The following ISM1 variants were observed in gnomAD, a reference collection of about 807,000 sequenced individuals.
ISM1 encodes isthmin 1.
In ISM1, 25 loss-of-function variants were observed where a neutral mutation model predicts 46.3. The observed-to-expected ratio is 0.54, with a 90% CI of 0.39 to 0.75. The LOEUF is 0.75. Among genes scored for constraint, ISM1 ranks in the 30% least tolerant of loss-of-function variants. The probability of loss-of-function intolerance (pLI) is 0.00; values close to 1 mark genes in which losing one functional copy is unlikely to be tolerated. For missense variants in ISM1, 536 were observed against 625.4 expected (o/e 0.86, Z 1.52); for synonymous variants, 255 against 256.7 (o/e 0.99, Z 0.06).
chr20:13,311,216 T>TGATAGATAGATAGACAGATA, the ISM1 span, among the ~76,000 whole-genome samples: 2 of 133,298 alleles, frequency 1.5e-5, no homozygotes, highest in Admixed American at 1.5e-4. Flanking sequence ...TATAGATAGA[T>TGATAGATAGATAGACAGATA]GATAGATAGA....
At chr20:13,273,604 C>G (rs1461681705) in intron 2 of ISM1, among the ~76,000 whole-genome samples, 1 of 152,186 alleles carries the variant, frequency 6.6e-6, no homozygotes, top group African/African-American at 2.4e-5. Flanking sequence ...GCAGTTGGGA[C>G]TCCCAGAGCT....
chr20:13,271,455 C>T (rs1047287391), intron 2 of ISM1, among the ~76,000 whole-genome samples: 1 of 152,146 alleles, frequency 6.6e-6, no homozygotes, highest in African/African-American at 2.4e-5. Flanking sequence ...CTTTACAAAG[C>T]AAATGTTGAT....
At chr20:13,302,160 C>A (rs2040463580), downstream of ISM1, among the ~76,000 whole-genome samples, 3 of 152,142 alleles carry the variant, frequency 2.0e-5, no homozygotes, top group African/African-American at 7.2e-5. Context: ...GAACAGAGAG[C>A]TTTCTTACTA....
downstream of ISM1, chr20:13,300,661 TC>T (rs2040450331): frequency 6.6e-6 from 1 of 152,216 alleles, no homozygotes; most frequent in Admixed American, 6.5e-5. Context: ...GTTACCTGCA[TC>T]CTTCATTTAT....
chr20:13,224,385 C>T (rs1388109593), intron 1 of ISM1, among the ~76,000 whole-genome samples: 1 of 152,160 alleles, frequency 6.6e-6, no homozygotes, highest in East Asian at 1.9e-4. Flanking sequence ...ATTAGTCCAT[C>T]GTTTTCAGGC....
chr20:13,307,391 C>T, the ISM1 span, among the ~76,000 whole-genome samples: 1 of 152,114 alleles, frequency 6.6e-6, no homozygotes, highest in East Asian at 1.9e-4. Flanking sequence ...AACATCCATA[C>T]CAACACCAAG....
At chr20:13,295,531 T>C (rs1427246099) in intron 5 of ISM1, among the ~76,000 whole-genome samples, 1 of 152,054 alleles carries the variant, frequency 6.6e-6, no homozygotes, top group East Asian at 1.9e-4. Flanking sequence ...CCCTTGTCCT[T>C]CCCCCATCGA....
chr20:13,299,205 G>A lies in ISM1; in HGVS notation c.1141G>A (p.Ala381Thr), dbSNP rs1456365504. The change falls in exon 6 of 6, where the codon GCG (alanine) becomes ACG (threonine). Residue 381 changes from alanine to threonine, a missense_variant. By Grantham distance (58) the Ala-to-Thr change is moderately conservative. Transcript: ENST00000262487. The surrounding 1 kb of genome is among the most constrained non-coding windows in gnomAD (Gnocchi z 5.8). ...GCTGTCCCTGGAGAGCACCACGCTG[G>A]CGGCACAGCACTGCTGCTACGGCGA... Reference protein sequence around the residue: ...SMLSLESTTLAAQHCCYGDNM... With the variant: ...SMLSLESTTLTAQHCCYGDNM... The A allele has an allele frequency of 2.5e-6, 4 of 1,602,806 alleles. No individual in the cohort carries two copies. The highest frequency in any genetic ancestry group is 3.4e-6 in the Non-Finnish European group (4 of 1,174,718).
At chr20:13,275,268 C>G (rs1356957084) in intron 2 of ISM1, among the ~76,000 whole-genome samples, 1 of 152,188 alleles carries the variant, frequency 6.6e-6, no homozygotes, top group African/African-American at 2.4e-5. Flanking sequence ...CCACAGGCCT[C>G]TTGAGCGCCA....
chr20:13,231,024 G>T (rs938303990), intron 1 of ISM1, among the ~76,000 whole-genome samples: 23 of 152,056 alleles, frequency 1.5e-4, no homozygotes, highest in Non-Finnish European at 5.9e-5. Flanking sequence ...TCTCTTCCCT[G>T]CCTTCCTCCC....
chr20:13,243,978 G>T (rs989628876), intron 1 of ISM1: 1 of 152,178 alleles, frequency 6.6e-6, no homozygotes, highest in African/African-American at 2.4e-5. Flanking sequence ...AATGCTCATG[G>T]TATTTGCAGA....
chr20:13,297,206 CA>C (rs2040415405), intron 5 of ISM1, among the ~76,000 whole-genome samples: 1 of 152,086 alleles, frequency 6.6e-6, no homozygotes, highest in African/African-American at 2.4e-5. Flanking sequence ...AGCTGTTTTC[CA>C]GAATGCAGAA....
chr20:13,273,853 T>C (rs1001792673), intron 2 of ISM1, among the ~76,000 whole-genome samples: 2 of 152,194 alleles, frequency 1.3e-5, no homozygotes, highest in Non-Finnish European at 2.9e-5. Flanking sequence ...TAATTTTCTG[T>C]GAGCAATACA....
At chr20:13,265,672 A>T (rs903467263) in intron 1 of ISM1, among the ~76,000 whole-genome samples, 2 of 152,144 alleles carry the variant, frequency 1.3e-5, no homozygotes, top group African/African-American at 4.8e-5. Context: ...TGCAATTGTG[A>T]TAGTATTTGG....
chr20:13,245,397 C>CA (rs2039781170), intron 1 of ISM1: 1 of 152,208 alleles, frequency 6.6e-6, no homozygotes, highest in Non-Finnish European at 1.5e-5. Context: ...ATGAGCAAGA[C>CA]AAAATCCACA....
At chr20:13,275,007 G>C (rs2040161792) in intron 2 of ISM1, among the ~76,000 whole-genome samples, 1 of 152,292 alleles carries the variant, frequency 6.6e-6, no homozygotes, top group East Asian at 1.9e-4. Context: ...GGTATCCTTG[G>C]CTGGGTTTTC....
At chr20:13,243,901 G>C (rs892244340) in intron 1 of ISM1, among the ~76,000 whole-genome samples, 2 of 152,182 alleles carry the variant, frequency 1.3e-5, no homozygotes, top group Admixed American at 6.6e-5. Flanking sequence ...GATATTTGAA[G>C]GGAAGATGGA....
chr20:13,289,174 C>G (rs1372208517), intron 4 of ISM1, among the ~76,000 whole-genome samples: 1 of 152,138 alleles, frequency 6.6e-6, no homozygotes, highest in Non-Finnish European at 1.5e-5. Context: ...ATTGCAGTGG[C>G]CGTGACCTAA....
the ISM1 span, among the ~76,000 whole-genome samples, chr20:13,305,881 A>G: frequency 5.3e-5 from 8 of 152,186 alleles, no homozygotes; most frequent in Admixed American, 2.6e-4. Context: ...CCAAGCTAAA[A>G]AGACCAGTGC....
Sources: gnomAD v4.1 joint callset for allele counts (sites outside exome capture counted in the v4.1 genomes callset) on GRCh38, gnomAD v4.1.1 for gene constraint, Gnocchi (gnomAD v3.1) non-coding constraint, MANE v1.5 for transcripts, NCBI Gene and HGNC (gene_info 2026-07-23, HGNC 2026-07-21) for gene names.